The following MAN1C1 variants were observed in gnomAD, a reference collection of about 807,000 sequenced individuals.
The protein encoded by MAN1C1 is mannosidase alpha class 1C member 1.
In MAN1C1, 49 loss-of-function variants were observed where a neutral mutation model predicts 71.5. The observed-to-expected ratio is 0.69, with a 90% confidence interval of 0.54 to 0.87. MAN1C1 has a LOEUF of 0.87. MAN1C1 is among the 40% of genes least tolerant of loss of function. The probability of loss-of-function intolerance (pLI) is 0.00; values close to 1 mark genes in which losing one functional copy is unlikely to be tolerated. For missense variants in MAN1C1, 743 were observed against 835.0 expected (o/e 0.89, Z 1.36); for synonymous variants, 352 against 343.7 (o/e 1.02, Z -0.27).
At chr1:25,633,910 C>T (rs1006111715) in intron 1 of MAN1C1, among the ~76,000 whole-genome samples, 5 of 152,124 alleles carry the variant, frequency 3.3e-5, no homozygotes, top group Admixed American at 1.3e-4. Context: ...TGGTGCATAT[C>T]AAGCTTTGGT....
In MAN1C1 at chr1:25,729,831, AG is replaced by A. The variant is rs373299944; in HGVS notation, c.638-16835del. 2.0e-3 allele frequency among the ~76,000 whole-genome samples: 301 copies of A among 152,160 alleles called. 2 individuals carry two copies. The highest frequency in any genetic ancestry group is 6.3e-3 in the African/African-American group (261 of 41,512). On this transcript the variant is annotated intron_variant, in intron 2 of 11. Transcript: ENST00000374332. ...GGCCAGGCATCCCATTTTCTAGATG[AG>A]GAACCCAGGTCTGTGAGGAGTGTGT...
intron 3 of MAN1C1, among the ~76,000 whole-genome samples, chr1:25,748,183 G>A (rs1320335311): frequency 2.0e-5 from 3 of 152,170 alleles, no homozygotes; most frequent in African/African-American, 7.2e-5. Flanking sequence ...GGTGGGGCAG[G>A]TGAGGAAATG....
intron 2 of MAN1C1, among the ~76,000 whole-genome samples, chr1:25,712,901 C>T (rs1374941289): frequency 6.6e-6 from 1 of 152,162 alleles, no homozygotes; most frequent in Non-Finnish European, 1.5e-5. Flanking sequence ...ATGAAATTTA[C>T]CAGGGACTTT....
intron 7 of MAN1C1, among the ~76,000 whole-genome samples, chr1:25,766,218 T>A (rs1412000535): frequency 6.6e-6 from 1 of 152,136 alleles, no homozygotes; most frequent in Non-Finnish European, 1.5e-5. Context: ...TTCCTATTAA[T>A]AAAATCTGAG....
intron 1 of MAN1C1, among the ~76,000 whole-genome samples, chr1:25,640,991 A>G (rs1364011061): frequency 6.6e-6 from 1 of 152,114 alleles, no homozygotes; most frequent in East Asian, 1.9e-4. Context: ...CGCTAATAGG[A>G]GCGGGATTCA....
At chr1:25,734,198 G>A (rs12096844) in intron 2 of MAN1C1, among the ~76,000 whole-genome samples, 5,768 of 152,122 alleles carry the variant, frequency 0.038, 352 homozygotes, top group African/African-American at 0.13. Context: ...GCGCAATCAC[G>A]GCTCACTGCA....
intron 2 of MAN1C1, among the ~76,000 whole-genome samples, chr1:25,736,615 C>T (rs2046986442): frequency 6.6e-6 from 1 of 152,184 alleles, no homozygotes; most frequent in South Asian, 2.1e-4. Context: ...CAGCCTCTAC[C>T]TCCTGGGCTC....
At chr1:25,729,798 C>G (rs1163099694) in intron 2 of MAN1C1, among the ~76,000 whole-genome samples, 2 of 152,030 alleles carry the variant, frequency 1.3e-5, no homozygotes, top group Non-Finnish European at 2.9e-5. Context: ...GCATGAGCCC[C>G]CGTGCCTGGC....
At chr1:25,684,186 G>GC (rs890352666) in intron 1 of MAN1C1, among the ~76,000 whole-genome samples, 1 of 150,170 alleles carries the variant, frequency 6.7e-6, no homozygotes, top group African/African-American at 2.5e-5. Flanking sequence ...GCCCCCGCCA[G>GC]CCCCCCAGCC....
intron 2 of MAN1C1, among the ~76,000 whole-genome samples, chr1:25,695,790 C>T (rs1009030552): frequency 6.6e-6 from 1 of 152,156 alleles, no homozygotes; most frequent in South Asian, 2.1e-4. Flanking sequence ...AGGTTAGGAG[C>T]CTTGGGTTCG....
chr1:25,683,956 T>A (rs2046191888), intron 1 of MAN1C1, among the ~76,000 whole-genome samples: 1 of 152,220 alleles, frequency 6.6e-6, no homozygotes, highest in Admixed American at 6.5e-5. Context: ...ATTTCCTCCC[T>A]TGGTTTGGAT....
At chr1:25,781,529 A>AC (rs926079239) in intron 10 of MAN1C1, among the ~76,000 whole-genome samples, 5 of 146,736 alleles carry the variant, frequency 3.4e-5, no homozygotes, top group African/African-American at 7.6e-5. Context: ...AGCCTGAGGG[A>AC]CCCCCCCACC....
At chr1:25,652,189 T>C (rs1369915518) in intron 1 of MAN1C1, among the ~76,000 whole-genome samples, 1 of 152,252 alleles carries the variant, frequency 6.6e-6, no homozygotes, top group African/African-American at 2.4e-5. Flanking sequence ...GCCTTCCTGC[T>C]GCCGCATGTC....
At chr1:25,669,170 C>T (rs893855154) in intron 1 of MAN1C1, among the ~76,000 whole-genome samples, 1 of 152,178 alleles carries the variant, frequency 6.6e-6, no homozygotes, top group Non-Finnish European at 1.5e-5. Flanking sequence ...CGGGAGCTGC[C>T]GTTTCCTGTA....
chr1:25,769,807 C>T lies in MAN1C1; in HGVS notation c.1142-1850C>T, dbSNP rs188060512. On this transcript the variant is annotated intron_variant, in intron 7 of 11. Transcript: ENST00000374332. The surrounding 1 kb of genome is among the most constrained non-coding windows in gnomAD (Gnocchi z 4.8). ...CGTACGCAGGCACTCATCGCACACC[C>T]GGCGGGCACCCGATGGCAAGGGGGG... Among the ~76,000 whole-genome samples the T allele has an allele frequency of 3.3e-5, 5 of 152,356 alleles. No homozygotes were observed. Among genetic ancestry groups the T allele is most frequent in the East Asian group, 1.9e-4 (1 of 5,174 alleles).
At chr1:25,636,377 C>G (rs1197789359) in intron 1 of MAN1C1, among the ~76,000 whole-genome samples, 1 of 152,130 alleles carries the variant, frequency 6.6e-6, no homozygotes, top group Non-Finnish European at 1.5e-5. Flanking sequence ...CCCAGAGCGG[C>G]CGTTTATAGA....
At chr1:25,644,917 G>A (rs1489520065) in intron 1 of MAN1C1, 1 of 152,058 alleles carries the variant, frequency 6.6e-6, no homozygotes, top group Admixed American at 6.6e-5. Flanking sequence ...AAAGGGAGAG[G>A]GCTCAGAGCC....
rs375726422 is a variant in MAN1C1 at position 25,664,183 on chromosome 1, G to A, written c.541-22257G>A. Among the ~76,000 whole-genome samples, 45 of 152,116 alleles carry A rather than the reference G, an allele frequency of 3.0e-4. 1 individual carries two copies. The East Asian group carries it at 3.9e-3, about 13-fold the overall frequency. ...GTCGCCTGTGTTGGGGGACCTGAGC[G>A]TTAGTGGCACCCCATGCTGCTCATT... On this transcript the variant is annotated intron_variant, in intron 1 of 11. Coordinates refer to ENST00000374332, the MANE Select transcript of MAN1C1 (RefSeq NM_020379.4).
chr1:25,658,224 G>T (rs1314732071), intron 1 of MAN1C1, among the ~76,000 whole-genome samples: 1 of 152,216 alleles, frequency 6.6e-6, no homozygotes, highest in Non-Finnish European at 1.5e-5. Flanking sequence ...GCAAGCTGAG[G>T]CTCAGAGGTG....
Sources: gnomAD v4.1 joint callset for allele counts (sites outside exome capture counted in the v4.1 genomes callset) on GRCh38, gnomAD v4.1.1 for gene constraint, Gnocchi (gnomAD v3.1) non-coding constraint, MANE v1.5 for transcripts, NCBI Gene and HGNC (gene_info 2026-07-23, HGNC 2026-07-21) for gene names.